ATG10: variants seen among roughly 807,000 people sequenced by gnomAD.
ATG10 encodes ubiquitin-like-conjugating enzyme ATG10.
In ATG10, 30 loss-of-function variants were observed where a neutral mutation model predicts 32.1. That is an observed-to-expected ratio of 0.94 (90% CI 0.70 to 1.27). The LOEUF is 1.27. Among genes scored for constraint, ATG10 ranks in the 50% most tolerant of loss-of-function variants. ATG10 has a pLI of 0.00. For missense variants in ATG10, 233 were observed against 262.3 expected (o/e 0.89, Z 0.77); for synonymous variants, 87 against 91.5 (o/e 0.95, Z 0.28).
intron 2 of ATG10, among the ~76,000 whole-genome samples, chr5:81,996,361 C>G (rs1761664369): frequency 6.6e-6 from 1 of 152,092 alleles, no homozygotes; most frequent in African/African-American, 2.4e-5. Flanking sequence ...TCTCAGCCTC[C>G]CCGAGTAGTT....
At chr5:82,064,609 C>T (rs913689002) in intron 3 of ATG10, among the ~76,000 whole-genome samples, 9 of 151,904 alleles carry the variant, frequency 5.9e-5, no homozygotes, top group Non-Finnish European at 8.8e-5. Context: ...ATTTTAATTC[C>T]CCCAAAATAA....
intron 2 of ATG10, among the ~76,000 whole-genome samples, chr5:82,041,388 G>A (rs1341075518): frequency 2.6e-5 from 4 of 152,066 alleles, no homozygotes; most frequent in African/African-American, 2.4e-5. Context: ...AAATGAATGG[G>A]TTTAGGATTC....
At chr5:82,142,658 C>A (rs976931469) in intron 3 of ATG10, among the ~76,000 whole-genome samples, 2 of 152,024 alleles carry the variant, frequency 1.3e-5, no homozygotes, top group Non-Finnish European at 2.9e-5. Flanking sequence ...GATACTGTGG[C>A]GGCAGTGTGG....
chr5:82,105,710 C>T (rs565167193), intron 3 of ATG10, among the ~76,000 whole-genome samples: 1 of 152,096 alleles, frequency 6.6e-6, no homozygotes, highest in Non-Finnish European at 1.5e-5. Flanking sequence ...TGCCATTGTC[C>T]TATGGCACCC....
intron 2 of ATG10, among the ~76,000 whole-genome samples, chr5:82,002,021 A>G (rs1422944089): frequency 6.6e-6 from 1 of 152,236 alleles, no homozygotes; most frequent in African/African-American, 2.4e-5. Context: ...CACATCGCCA[A>G]GAAGCATATG....
At position 82,100,120 on chromosome 5, in the gene ATG10, T is replaced by C. The variant is rs538468558; in HGVS notation, c.216+41518T>C. Among the ~76,000 whole-genome samples the C allele has an allele frequency of 6.9e-5, 10 of 145,932 alleles. No individual in the cohort carries two copies. In the East Asian group the frequency reaches 1.3e-3, roughly 19 times the overall value. On this transcript the variant is annotated intron_variant, in intron 3 of 7. Coordinates refer to ENST00000282185, the MANE Select transcript of ATG10 (RefSeq NM_031482.5). ...GCCTCTTGGGTTCAAGCAATTCTCC[T>C]GCTTCAGACTCCTGAGTAGCTGGGA...
intron 2 of ATG10, among the ~76,000 whole-genome samples, chr5:82,013,143 A>T (rs1233164970): frequency 6.6e-6 from 1 of 151,914 alleles, no homozygotes; most frequent in African/African-American, 2.4e-5. Context: ...TGTGTTTTTT[A>T]GTAAAGACGG....
intron 1 of ATG10, among the ~76,000 whole-genome samples, chr5:81,978,949 G>A (rs1183269457): frequency 6.6e-6 from 1 of 151,956 alleles, no homozygotes; most frequent in African/African-American, 2.4e-5. Context: ...GCCCAGGCTG[G>A]AGTGCAGTGG....
intron 4 of ATG10, among the ~76,000 whole-genome samples, chr5:82,165,014 A>G (rs1051758074): frequency 2.6e-5 from 4 of 152,250 alleles, no homozygotes; most frequent in Non-Finnish European, 5.9e-5. Flanking sequence ...TCCTTCAGCC[A>G]TCTATACATC....
intron 5 of ATG10, among the ~76,000 whole-genome samples, chr5:82,246,677 T>G (rs1457045750): frequency 6.6e-6 from 1 of 152,154 alleles, no homozygotes; most frequent in African/African-American, 2.4e-5. Flanking sequence ...TGTTCATGAT[T>G]TTTGCTTATA....
chr5:82,202,802 C>A (rs1460638569), intron 5 of ATG10, among the ~76,000 whole-genome samples: 11 of 152,232 alleles, frequency 7.2e-5, no homozygotes, highest in African/African-American at 2.7e-4. Flanking sequence ...TCAGGCCATA[C>A]TGTTCCCTTT....
intron 3 of ATG10, among the ~76,000 whole-genome samples, chr5:82,155,756 G>A (rs1010784333): frequency 1.3e-5 from 2 of 152,148 alleles, no homozygotes; most frequent in Admixed American, 1.3e-4. Flanking sequence ...TTACTTTCTA[G>A]CAAGGTAACA....
chr5:81,974,048 C>G (rs1395679479), intron 1 of ATG10, among the ~76,000 whole-genome samples: 3 of 152,130 alleles, frequency 2.0e-5, no homozygotes, highest in Non-Finnish European at 2.9e-5. Context: ...ATGCCTAATA[C>G]ATTTCTGAGA....
chr5:82,195,410 C>T (rs1368472610), intron 5 of ATG10, among the ~76,000 whole-genome samples: 1 of 152,098 alleles, frequency 6.6e-6, no homozygotes, highest in Non-Finnish European at 1.5e-5. Flanking sequence ...TGGTGACTGT[C>T]TGGGTGATGG....
intron 4 of ATG10, among the ~76,000 whole-genome samples, chr5:82,170,522 A>T (rs1461846956): frequency 6.6e-6 from 1 of 152,176 alleles, no homozygotes; most frequent in Non-Finnish European, 1.5e-5. Context: ...AAGTGCTGGT[A>T]TAGAGTAATA....
rs1487350311 is a variant in ATG10 at position 82,139,633 on chromosome 5, C to A, written c.217-24766C>A. Reference sequence around the variant, plus strand: ...GCCACCCCATCTGGGAAGTGAGGAGCGTCTCCGCCCAGCAGCCACCCCATC... The same window carrying A: ...GCCACCCCATCTGGGAAGTGAGGAGAGTCTCCGCCCAGCAGCCACCCCATC... On this transcript the variant is annotated intron_variant, in intron 3 of 7. Coordinates refer to ENST00000282185, the MANE Select transcript of ATG10 (RefSeq NM_031482.5). Among the ~76,000 whole-genome samples the A allele has an allele frequency of 3.0e-5, 4 of 132,972 alleles. No homozygotes were observed. The East Asian group carries it at 7.0e-4, about 23-fold the overall frequency. The allele number at this position is 132,972 out of a possible 152,430, so 87.2% of individuals were successfully genotyped here. A position where few individuals can be genotyped will look rare whatever the true frequency, so the allele number is the denominator to read the frequency against.
At chr5:82,031,313 T>G (rs987411691) in intron 2 of ATG10, among the ~76,000 whole-genome samples, 1 of 151,748 alleles carries the variant, frequency 6.6e-6, no homozygotes, top group Non-Finnish European at 1.5e-5. Flanking sequence ...TTTATTATAT[T>G]GGGAGCAAAT....
chr5:82,237,537 C>G (rs367737145), intron 5 of ATG10, among the ~76,000 whole-genome samples: 2 of 151,626 alleles, frequency 1.3e-5, no homozygotes, highest in African/African-American at 2.4e-5. Flanking sequence ...CCAACTACTC[C>G]GGAGGCTGAG....
rs180835001 is a variant in ATG10 at position 82,015,559 on chromosome 5, C to T, written c.108+27881C>T. Among the ~76,000 whole-genome samples the T allele has an allele frequency of 2.9e-4, 44 of 152,260 alleles. 1 individual carries two copies. Among genetic ancestry groups the T allele is most frequent in the Admixed American group, 5.2e-4 (8 of 15,278 alleles). On this transcript the variant is annotated intron_variant, in intron 2 of 7. Transcript: ENST00000282185. The stretch of plus-strand genomic sequence containing the variant: ...TCTTTTTTCTCTAAACTTCTCTTCT[C>T]GCTTCAATTCATTCATTTGATCTTC...
Sources: allele counts gnomAD v4.1 joint callset (sites outside exome capture counted in the v4.1 genomes callset), GRCh38; gene constraint gnomAD v4.1.1; transcripts MANE v1.5; gene names NCBI Gene and HGNC (gene_info 2026-07-23, HGNC 2026-07-21).